The following ZNF182 variants were observed in gnomAD, a reference collection of about 807,000 sequenced individuals.
ZNF182 encodes zinc finger protein 182, also known as zinc finger protein 21 (KOX 14).
Under a neutral mutation model 28.1 loss-of-function variants are expected in ZNF182, and 10 were observed. The ratio of observed to expected loss-of-function variants is 0.36; its 90% CI spans 0.22 to 0.60. ZNF182 has a LOEUF of 0.60. Ranked by LOEUF, ZNF182 falls within the 20% of genes least tolerant of loss-of-function variation. The pLI, the probability that ZNF182 is intolerant of heterozygous loss-of-function variation, is 0.75. For synonymous variants in ZNF182, 156 were observed against 158.7 expected, an observed-to-expected ratio of 0.98 and a Z score of 0.13; for missense variants, 352 against 453.2, an observed-to-expected ratio of 0.78 and a Z score of 2.03.
At chrX:47,999,101 C>A (rs1406943440) in intron 3 of ZNF182, among the ~76,000 whole-genome samples, 1 of 111,391 alleles carries the variant, frequency 9.0e-6, no homozygotes, top group Non-Finnish European at 1.9e-5. Context: ...AAATTCAGGC[C>A]GGGAGCGGTG....
chrX:48,001,503 A>AC (rs1556901911), intron 3 of ZNF182, among the ~76,000 whole-genome samples: 1 of 111,757 alleles, frequency 8.9e-6, no homozygotes, highest in Non-Finnish European at 1.9e-5. Context: ...CCAAAACAGA[A>AC]AACAGATTTG....
At chrX:48,002,424 C>A in intron 3 of ZNF182, 171 bp downstream of exon 3, 2 of 654,321 alleles carry the variant, frequency 3.1e-6, no homozygotes, top group East Asian at 7.1e-5. Context: ...TCTGTTACAC[C>A]CTGAGTCCTG....
At chrX:47,990,407 G>A (rs781984221) in intron 3 of ZNF182, among the ~76,000 whole-genome samples, 1 of 111,229 alleles carries the variant, frequency 9.0e-6, no homozygotes, top group East Asian at 2.8e-4. Context: ...GTGGGTAGCA[G>A]GAGTAAGCTG....
Position 47,983,427 on chromosome X carries a change from C to A in ZNF182, c.16-16G>T. 8.4e-7 allele frequency: 1 copy of A among 1,183,537 alleles called. No homozygotes were observed. The highest frequency in any genetic ancestry group is 1.1e-6 in the Non-Finnish European group (1 of 882,251). On this transcript the variant is annotated splice_polypyrimidine_tract_variant and intron_variant, in intron 3 of 5. Coordinates refer to ENST00000376943, the MANE Select transcript of ZNF182 (RefSeq NM_001007088.2). The stretch of plus-strand genomic sequence containing the variant: ...TCACTAGCCCCTGTAATGGTACATT[C>A]CTTTTATTTTAAAATGCTGACCACT...
rs1370512908 is a variant in ZNF182, at chrX:47,983,295, C to A, written c.132G>T (p.Leu44Phe). 8.3e-7 allele frequency: 1 copy of A among 1,209,440 alleles called. No homozygotes were observed. Among genetic ancestry groups the A allele is most frequent in the African/African-American group, 1.8e-5 (1 of 57,025 alleles). The change falls in exon 4 of 6, where the codon TTG (leucine) becomes TTT (phenylalanine). Residue 44 changes from leucine to phenylalanine, a missense_variant. By Grantham distance (22) the Leu-to-Phe change is conservative. Transcript: ENST00000376943. ...RDVMLETYSN[L>F]VFVGQQVTKP... is the part of the protein sequence containing the mutation. Reference sequence around the variant, plus strand: ...GGAAGCTATTCTTACCCACAAAGACCAAGTTGCTGTAGGTCTCCAGCATCA... The same window carrying A: ...GGAAGCTATTCTTACCCACAAAGACAAAGTTGCTGTAGGTCTCCAGCATCA...
intron 3 of ZNF182, among the ~76,000 whole-genome samples, chrX:47,994,797 C>T (rs1340963893): frequency 9.1e-6 from 1 of 110,384 alleles, no homozygotes; most frequent in African/African-American, 3.3e-5. Context: ...TGCCACCACA[C>T]CTAGCTAATT....
rs1167568841 is a variant in ZNF182, at chrX:47,993,854, G to GA, written c.15+8740dup. Reference sequence around the variant, plus strand: ...TCTGAAAAACAAGAAAAAGAAAACTGAAAAAAAAAATGAACAGAATCTCAG... The same window carrying GA: ...TCTGAAAAACAAGAAAAAGAAAACTGAAAAAAAAAAATGAACAGAATCTCAG... On this transcript the variant is annotated intron_variant, in intron 3 of 5. Coordinates refer to ENST00000376943, the MANE Select transcript of ZNF182 (RefSeq NM_001007088.2). Among the ~76,000 whole-genome samples, 125 of 104,242 alleles carry GA rather than the reference G, an allele frequency of 1.2e-3. 1 individual carries two copies. In the East Asian group the frequency reaches 0.021, roughly 17 times the overall value. 90.5% of individuals were successfully genotyped at this position (104,242 alleles called of 115,157 possible).
At chrX:47,987,550 T>G in intron 3 of ZNF182, among the ~76,000 whole-genome samples, 1 of 112,496 alleles carries the variant, frequency 8.9e-6, no homozygotes, top group Admixed American at 9.4e-5. Context: ...ATGAATGAAT[T>G]ATTGATGCTA....
intron 5 of ZNF182, 34 bp from the exon 6 acceptor site, chrX:47,977,831 T>C (rs1350998281): frequency 9.1e-7 from 1 of 1,093,212 alleles, no homozygotes; most frequent in Non-Finnish European, 1.2e-6. Flanking sequence ...CCTTTATGCT[T>C]TGACATTATG....
chrX:48,001,281 C>G (rs782595492), intron 3 of ZNF182, among the ~76,000 whole-genome samples: 1 of 112,351 alleles, frequency 8.9e-6, no homozygotes, highest in African/African-American at 3.2e-5. Context: ...CTGGAAATAA[C>G]GCAAATGTCT....
chrX:48,001,718 C>T (rs1395630924), intron 3 of ZNF182, among the ~76,000 whole-genome samples: 1 of 111,524 alleles, frequency 9.0e-6, no homozygotes. Flanking sequence ...CTGTATTATT[C>T]TTTCAATTGC....
chrX:47,995,288 C>A (rs1296544754), intron 3 of ZNF182, among the ~76,000 whole-genome samples: 1 of 111,082 alleles, frequency 9.0e-6, no homozygotes, highest in East Asian at 2.9e-4. Context: ...GCTGAGATTG[C>A]ACCACTGTAC....
intron 3 of ZNF182, among the ~76,000 whole-genome samples, chrX:47,998,446 A>C (rs1556901414): frequency 8.9e-6 from 1 of 112,303 alleles, no homozygotes; most frequent in Non-Finnish European, 1.9e-5. Flanking sequence ...ATTAAACATC[A>C]TTCTTCTAAA....
intron 3 of ZNF182, among the ~76,000 whole-genome samples, chrX:47,985,280 G>A (rs1460697217): frequency 8.9e-6 from 1 of 112,406 alleles, no homozygotes; most frequent in African/African-American, 3.2e-5. Context: ...TTTATGCAAC[G>A]ACATGGATGA....
intron 3 of ZNF182, chrX:47,988,489 C>T: frequency 2.2e-6 from 1 of 465,065 alleles, no homozygotes. Context: ...GCCTCCCTCC[C>T]CCACTCTTGC....
At chrX:48,001,621 G>A (rs938089354) in intron 3 of ZNF182, among the ~76,000 whole-genome samples, 1 of 111,762 alleles carries the variant, frequency 8.9e-6, no homozygotes, top group Non-Finnish European at 1.9e-5. Context: ...TCATATCAAT[G>A]TCAACATCCT....
At chrX:47,994,057 T>C (rs1556900760) in intron 3 of ZNF182, among the ~76,000 whole-genome samples, 1 of 111,718 alleles carries the variant, frequency 9.0e-6, no homozygotes, top group Admixed American at 9.5e-5. Flanking sequence ...CCCTAATTCA[T>C]GCCAAGCCAT....
chrX:47,975,513 C>T lies in ZNF182; in HGVS notation c.*654G>A, dbSNP rs1457761138. 2 of 102,337 alleles carry T rather than the reference C, an allele frequency of 2.0e-5. No individual in the cohort carries two copies. Among genetic ancestry groups the T allele is most frequent in the Non-Finnish European group, 3.9e-5 (2 of 51,800 alleles). The allele number at this position is 102,337 out of a possible 1,213,427, so 8.4% of individuals were successfully genotyped here. ...AACCAGGGCCACATTCTAAGCAGATCAGTTTTTTTTTTTTTTGACAACTGA... is the reference window on the plus strand; with the variant it reads ...AACCAGGGCCACATTCTAAGCAGATTAGTTTTTTTTTTTTTTGACAACTGA... On this transcript the variant is annotated 3_prime_UTR_variant, in exon 6 of 6. Coordinates refer to ENST00000376943, the MANE Select transcript of ZNF182 (RefSeq NM_001007088.2).
intron 3 of ZNF182, among the ~76,000 whole-genome samples, chrX:47,992,439 G>A (rs781853955): frequency 3.6e-5 from 4 of 110,043 alleles, no homozygotes; most frequent in Non-Finnish European, 5.7e-5. Flanking sequence ...CACTTGACTC[G>A]CCCCTCTGAT....
Sources: allele counts gnomAD v4.1 joint callset (sites outside exome capture counted in the v4.1 genomes callset), GRCh38; gene constraint gnomAD v4.1.1; transcripts MANE v1.5; gene names NCBI Gene and HGNC (gene_info 2026-07-23, HGNC 2026-07-21).